Variants in PRPF39 observed in about 807,000 individuals in gnomAD.
The protein encoded by PRPF39 is pre-mRNA processing factor 39.
PRPF39 carries 27 observed loss-of-function variants against 82.1 expected under a neutral mutation model. The ratio of observed to expected loss-of-function variants is 0.33; its 90% CI spans 0.24 to 0.45. The LOEUF (loss-of-function observed/expected upper bound fraction) is 0.45. Among genes scored for constraint, PRPF39 ranks in the 20% least tolerant of loss-of-function variants. The pLI is 1.00. For synonymous variants in PRPF39, 261 were observed against 256.4 expected (o/e 1.02, Z -0.17); for missense variants, 581 against 796.9 (o/e 0.73, Z 3.26).
chr14:45,087,111 T>A (rs567472039), intron 1 of PRPF39, among the ~76,000 whole-genome samples: 64 of 152,236 alleles, frequency 4.2e-4, no homozygotes, highest in African/African-American at 1.4e-3. Context: ...GATAGTTAAT[T>A]TTTTAAGGTG....
At chr14:45,091,777 A>G (rs934726993) in intron 1 of PRPF39, among the ~76,000 whole-genome samples, 2 of 152,244 alleles carry the variant, frequency 1.3e-5, no homozygotes, top group African/African-American at 2.4e-5. Flanking sequence ...TAGATGAGCA[A>G]ATGATAGCTA....
Position 45,096,087 on chromosome 14 carries a change from GTT to G in PRPF39, c.325-13_325-12del. 1 of 1,544,432 alleles carries G rather than the reference GTT, an allele frequency of 6.5e-7. No individual in the cohort carries two copies. The highest frequency in any genetic ancestry group is 8.8e-7 in the Non-Finnish European group (1 of 1,141,790). On this transcript the variant is annotated splice_polypyrimidine_tract_variant and intron_variant, in intron 2 of 13. Transcript: ENST00000355765. ...GAAATTTCCACAATATTTAAATACT[GTT>G]TTATTTTTATCAGAATCACTTGATG... is the stretch of plus-strand genomic sequence containing the variant.
In PRPF39 at chr14:45,109,577, T is replaced by C. The variant is rs199508435; in HGVS notation, c.1012-39T>C. 1.0e-3 allele frequency: 1,577 copies of C among 1,542,966 alleles called. 1 individual carries two copies. The highest frequency in any genetic ancestry group is 1.3e-3 in the Non-Finnish European group (1,445 of 1,139,306). ...TGTACATGTGCATATTTTGGTGATA[T>C]TGGTTTACTTTCATTGGCATGTTAC... On this transcript the variant is annotated intron_variant, in intron 7 of 13. Coordinates refer to ENST00000355765, the MANE Select transcript of PRPF39 (RefSeq NM_017922.4).
rs549768106 is a variant in PRPF39, at chr14:45,109,559, G to A, written c.1012-57G>A. 4 of 1,427,854 alleles carry A rather than the reference G, an allele frequency of 2.8e-6. No individual in the cohort carries two copies. In the East Asian group the frequency reaches 7.2e-5, roughly 26 times the overall value. 88.4% of individuals were successfully genotyped at this position (1,427,854 alleles called of 1,614,324 possible). A position where few individuals can be genotyped will look rare whatever the true frequency, so the allele number is the denominator to read the frequency against. ...AATTATTTGTATTAACACTGTACAT[G>A]TGCATATTTTGGTGATATTGGTTTA... On this transcript the variant is annotated intron_variant, in intron 7 of 13. Coordinates refer to ENST00000355765, the MANE Select transcript of PRPF39 (RefSeq NM_017922.4).
chr14:45,095,666 A>G, intron 2 of PRPF39, 103 bp downstream of exon 2: 1 of 1,386,218 alleles, frequency 7.2e-7, no homozygotes, highest in Non-Finnish European at 9.5e-7. Context: ...TTGACTCATA[A>G]TTTTCAAATG....
intron 1 of PRPF39, among the ~76,000 whole-genome samples, chr14:45,094,983 C>G (rs375159359): frequency 2.0e-5 from 3 of 152,220 alleles, no homozygotes; most frequent in Admixed American, 1.3e-4. Flanking sequence ...GGTAACAAAT[C>G]CACAGTTATT....
chr14:45,106,579 G>T (rs906177895), intron 5 of PRPF39, among the ~76,000 whole-genome samples: 2 of 151,966 alleles, frequency 1.3e-5, no homozygotes, highest in African/African-American at 4.8e-5. Flanking sequence ...TCTTTTTATA[G>T]ATTAGCTTAA....
rs367548644 is a variant in PRPF39, at chr14:45,107,585, C to T, written c.872C>T (p.Ser291Leu). 42 of 1,552,286 alleles carry T rather than the reference C, an allele frequency of 2.7e-5. No homozygotes were observed. The highest frequency in any genetic ancestry group is 1.6e-4 in the African/African-American group (12 of 73,152). ...GGTCCTCCTGGTGATGATCTACCAT[C>T]GGGAATTGAAGACATAACCGATCCT... is the stretch of plus-strand genomic sequence containing the variant. ...DDGPPGDDLP[S>L]GIEDITDPAK... The change falls in exon 6 of 14, where the codon TCG becomes TTG. Residue 291 changes from serine (S) to leucine (L), a missense_variant. Physicochemically the swap from Ser to Leu is moderately radical, Grantham distance 145. Transcript: ENST00000355765.
rs933161592 is a variant in PRPF39, at chr14:45,110,421, A to C, written c.1304-128A>C. The C allele has an allele frequency of 4.9e-6, 6 of 1,222,816 alleles. No homozygotes were observed. The African/African-American group carries it at 9.2e-5, about 19-fold the overall frequency. The allele number at this position is 1,222,816 out of a possible 1,614,324, so 75.7% of individuals were successfully genotyped here. The stretch of plus-strand genomic sequence containing the variant: ...CCGAAACAGCCATAGGCAGTGTGTA[A>C]ATATGCATGGCTGTTTCCCATTATT... On this transcript the variant is annotated intron_variant, in intron 9 of 13. Transcript: ENST00000355765. The surrounding 1 kb of genome is among the most constrained non-coding windows in gnomAD (Gnocchi z 4.0).
chr14:45,097,469 A>C lies in PRPF39; in HGVS notation c.569+464A>C, dbSNP rs561149139. Reference sequence around the variant, plus strand: ...AGTGCTACAGTGAACATCTCTGTACAAGTCAATATTTTTTGTAGAATGCAC... The same window carrying C: ...AGTGCTACAGTGAACATCTCTGTACCAGTCAATATTTTTTGTAGAATGCAC... On this transcript the variant is annotated intron_variant, in intron 4 of 13. Transcript: ENST00000355765. 5.3e-5 allele frequency among the ~76,000 whole-genome samples: 8 copies of C among 152,312 alleles called. No individual in the cohort carries two copies. The East Asian group carries it at 1.5e-3, about 29-fold the overall frequency.
intron 1 of PRPF39, among the ~76,000 whole-genome samples, chr14:45,091,029 T>A (rs1338052105): frequency 6.6e-6 from 1 of 151,730 alleles, no homozygotes; most frequent in Non-Finnish European, 1.5e-5. Context: ...AGGAAAAAAA[T>A]AGTTTCATAC....
chr14:45,095,784 G>T, intron 2 of PRPF39: 1 of 631,888 alleles, frequency 1.6e-6, no homozygotes, highest in Non-Finnish European at 2.5e-6. Context: ...TGTAATAATT[G>T]AGGTGTAAAT....
intron 1 of PRPF39, among the ~76,000 whole-genome samples, chr14:45,084,709 A>G (rs1334867908): frequency 6.6e-6 from 1 of 152,088 alleles, no homozygotes; most frequent in Non-Finnish European, 1.5e-5. Flanking sequence ...TACATAAGCA[A>G]CACTTTTGCG....
rs529019969 is a variant in PRPF39 at position 45,093,578 on chromosome 14, G to C, written c.-19-1643G>C. The stretch of plus-strand genomic sequence containing the variant: ...TCTTTTCTTTTTTTTTTTTTGAGAC[G>C]GAGTTTCACTCTTGTTGCCCAGGCT... On this transcript the variant is annotated intron_variant, in intron 1 of 13. Coordinates refer to ENST00000355765, the MANE Select transcript of PRPF39 (RefSeq NM_017922.4). 1.2e-4 allele frequency among the ~76,000 whole-genome samples: 16 copies of C among 135,488 alleles called. No individual in the cohort carries two copies. In the East Asian group the frequency reaches 3.5e-3, roughly 30 times the overall value. The allele number at this position is 135,488 out of a possible 152,430, so 88.9% of individuals were successfully genotyped here. A position where few individuals can be genotyped will look rare whatever the true frequency, so the allele number is the denominator to read the frequency against.
rs1884646997 is a variant in PRPF39 at position 45,109,759 on chromosome 14, C to G, written c.1155C>G (p.Leu385=). 6.2e-7 allele frequency: 1 copy of G among 1,604,666 alleles called. No individual in the cohort carries two copies. The change falls in exon 8 of 14, where the codon CTC becomes CTG. Residue 385 remains leucine (L), a synonymous_variant. Coordinates refer to ENST00000355765, the MANE Select transcript of PRPF39 (RefSeq NM_017922.4). ...AAAGATGTGTCATATCATGTGCCCTCTATGAGGAGTTTTGGATTAAGGTAA... is the reference window on the plus strand; with the variant it reads ...AAAGATGTGTCATATCATGTGCCCTGTATGAGGAGTTTTGGATTAAGGTAA... ...LFERCVISCA[L]YEEFWIKYAK...
chr14:45,110,005 G>C lies in PRPF39; in HGVS notation c.1177-89G>C. On this transcript the variant is annotated intron_variant, in intron 8 of 13. Coordinates refer to ENST00000355765, the MANE Select transcript of PRPF39 (RefSeq NM_017922.4). The surrounding 1 kb of genome is among the most constrained non-coding windows in gnomAD (Gnocchi z 4.0). ...GTGGTTCAATAAAGGTGCTGAATGG[G>C]TTTAAAAATAGAATTTTATCGTTCT... The C allele has an allele frequency of 6.3e-7, 1 of 1,593,908 alleles. No homozygotes were observed. Among genetic ancestry groups the C allele is most frequent in the Non-Finnish European group, 8.6e-7 (1 of 1,169,286 alleles).
Position 45,112,459 on chromosome 14 carries a change from A to G in PRPF39, c.1714A>G (p.Arg572Gly). 1 of 1,534,050 alleles carries G rather than the reference A, an allele frequency of 6.5e-7. No homozygotes were observed. The highest frequency in any genetic ancestry group is 2.4e-5 in the East Asian group (1 of 42,162). ...TAAAATGAGAATTACATTTTCTCAG[A>G]GAAAAGTGGAATTTCTTGAAGATTT... is the stretch of plus-strand genomic sequence containing the variant. ...PIKMRITFSQ[R>G]KVEFLEDFGS... The change falls in exon 11 of 14, where the codon AGA becomes GGA. Residue 572 changes from arginine (R) to glycine (G), a missense_variant. Coordinates refer to ENST00000355765, the MANE Select transcript of PRPF39 (RefSeq NM_017922.4).
chr14:45,105,377 C>T (rs1488310917), intron 5 of PRPF39, among the ~76,000 whole-genome samples: 9 of 152,038 alleles, frequency 5.9e-5, no homozygotes, highest in Non-Finnish European at 1.3e-4. Flanking sequence ...TTTCATACTA[C>T]ATATTTGAGA....
intron 1 of PRPF39, among the ~76,000 whole-genome samples, chr14:45,092,142 C>G (rs1046136365): frequency 2.6e-5 from 4 of 152,200 alleles, no homozygotes; most frequent in African/African-American, 9.7e-5. Context: ...AGCTCTGCAG[C>G]TGATGTTCTT....
Sources: gnomAD v4.1 joint callset for allele counts (sites outside exome capture counted in the v4.1 genomes callset) on GRCh38, gnomAD v4.1.1 for gene constraint, Gnocchi (gnomAD v3.1) non-coding constraint, MANE v1.5 for transcripts, NCBI Gene and HGNC (gene_info 2026-07-23, HGNC 2026-07-21) for gene names.